CNGA1: variants seen among roughly 807,000 people sequenced by gnomAD.
CNGA1 encodes cyclic nucleotide-gated channel alpha-1.
Under a neutral mutation model 69.7 loss-of-function variants are expected in CNGA1, and 53 were observed. The observed-to-expected ratio is 0.76, with a 90% confidence interval of 0.61 to 0.96. CNGA1 has a LOEUF of 0.96. Ranked by LOEUF, CNGA1 falls within the 40% of genes least tolerant of loss-of-function variation. The probability of loss-of-function intolerance (pLI) is 0.00; values close to 1 mark genes in which losing one functional copy is unlikely to be tolerated. For synonymous variants in CNGA1, 249 were observed against 283.5 expected, an observed-to-expected ratio of 0.88 and a Z score of 1.22; for missense variants, 739 against 811.2, an observed-to-expected ratio of 0.91 and a Z score of 1.08.
intron 3 of CNGA1, among the ~76,000 whole-genome samples, chr4:47,974,223 G>T (rs891330365): frequency 6.6e-6 from 1 of 152,034 alleles, no homozygotes; most frequent in African/African-American, 2.4e-5. Flanking sequence ...TTTTAAAACT[G>T]TGTGTGTGTA....
intron 2 of CNGA1, among the ~76,000 whole-genome samples, chr4:47,996,067 T>A (rs1742466735): frequency 1.3e-5 from 2 of 152,110 alleles, no homozygotes; most frequent in Admixed American, 1.3e-4. Context: ...GAAGGAGCAA[T>A]CCACTTCCTT....
chr4:47,975,077 G>A (rs1366853221), intron 3 of CNGA1, among the ~76,000 whole-genome samples: 2 of 152,158 alleles, frequency 1.3e-5, no homozygotes, highest in Non-Finnish European at 2.9e-5. Context: ...TTCAGAAAGA[G>A]AGAACCATCA....
Position 48,005,097 on chromosome 4 carries a change from G to A in CNGA1, c.-123+5697C>T, listed in dbSNP as rs537364955. ...AGACAAATCGTGGTTGGACTGATTTGCTTTTTTATTATTTATTTATTTATT... is the reference window on the plus strand; with the variant it reads ...AGACAAATCGTGGTTGGACTGATTTACTTTTTTATTATTTATTTATTTATT... On this transcript the variant is annotated intron_variant, in intron 2 of 10. Transcript: ENST00000514170. Among the ~76,000 whole-genome samples the A allele has an allele frequency of 1.1e-4, 15 of 132,296 alleles. No individual in the cohort carries two copies. The East Asian group carries it at 3.3e-3, about 29-fold the overall frequency. 86.8% of individuals were successfully genotyped at this position (132,296 alleles called of 152,430 possible). A position where few individuals can be genotyped will look rare whatever the true frequency, so the allele number is the denominator to read the frequency against.
At chr4:47,987,899 T>C (rs575427045) in intron 2 of CNGA1, among the ~76,000 whole-genome samples, 47 of 152,222 alleles carry the variant, frequency 3.1e-4, no homozygotes, top group Non-Finnish European at 1.8e-4. Flanking sequence ...ACTGTGTTGG[T>C]GTGTTTAATG....
intron 3 of CNGA1, among the ~76,000 whole-genome samples, chr4:47,962,793 A>G (rs1740525277): frequency 6.6e-6 from 1 of 152,212 alleles, no homozygotes; most frequent in African/African-American, 2.4e-5. Flanking sequence ...TAAAGTTGTC[A>G]TAATTCTAGT....
intron 2 of CNGA1, among the ~76,000 whole-genome samples, chr4:48,010,339 A>G (rs1464520061): frequency 6.6e-6 from 1 of 152,240 alleles, no homozygotes; most frequent in Non-Finnish European, 1.5e-5. Context: ...GTCTTCAAAA[A>G]GAGAATTATT....
chr4:47,984,645 A>AT (rs1275387462), intron 2 of CNGA1, among the ~76,000 whole-genome samples: 1 of 57,512 alleles, frequency 1.7e-5, no homozygotes, highest in African/African-American at 4.2e-5. Flanking sequence ...ACAAATAAAA[A>AT]AAATATATAT....
intron 3 of CNGA1, among the ~76,000 whole-genome samples, chr4:47,956,940 T>A (rs577456345): frequency 6.6e-6 from 1 of 152,268 alleles, no homozygotes; most frequent in East Asian, 1.9e-4. Context: ...TTTTTATTTT[T>A]TTATTTATTT....
chr4:47,974,544 T>C (rs1741244447), intron 3 of CNGA1, among the ~76,000 whole-genome samples: 1 of 152,214 alleles, frequency 6.6e-6, no homozygotes, highest in Admixed American at 6.5e-5. Context: ...TTTTCCATTA[T>C]TGGGCAGGGT....
At chr4:47,984,640 T>TTA (rs1741896690) in intron 2 of CNGA1, among the ~76,000 whole-genome samples, 3 of 103,646 alleles carry the variant, frequency 2.9e-5, no homozygotes, top group Non-Finnish European at 4.3e-5. Flanking sequence ...AACAAACAAA[T>TTA]AAAAAAAATA....
At chr4:47,981,367 A>C (rs1000354809) in intron 3 of CNGA1, 26 bp downstream of exon 3, 5 of 152,188 alleles carry the variant, frequency 3.3e-5, no homozygotes, top group African/African-American at 9.6e-5. Context: ...ATATAACTCT[A>C]ATTATCGTTA....
chr4:48,010,858 G>T lies in CNGA1; in HGVS notation c.-187C>A. On this transcript the variant is annotated 5_prime_UTR_variant, in exon 2 of 11. Transcript: ENST00000514170. ...GCGATGGCAGCAAACGACAGTGGTG[G>T]GCAGTGGTGGACGGCAAGCGAAAGC... is the stretch of plus-strand genomic sequence containing the variant. The T allele has an allele frequency of 6.5e-6, 1 of 153,778 alleles. No homozygotes were observed. The highest frequency in any genetic ancestry group is 1.8e-4 in the South Asian group (1 of 5,430). The allele number at this position is 153,778 out of a possible 1,614,324, so 9.5% of individuals were successfully genotyped here. A position where few individuals can be genotyped will look rare whatever the true frequency, so the allele number is the denominator to read the frequency against.
intron 3 of CNGA1, among the ~76,000 whole-genome samples, chr4:47,953,267 A>C (rs985888397): frequency 6.6e-6 from 1 of 152,222 alleles, no homozygotes; most frequent in Admixed American, 6.5e-5. Flanking sequence ...TTTTGTAAAA[A>C]AATTTTTAAT....
rs768363051 is a variant in CNGA1 at position 47,936,795 on chromosome 4, T to C, written c.1687A>G (p.Ser563Gly). 1 of 1,614,074 alleles carries C rather than the reference T, an allele frequency of 6.2e-7. No homozygotes were observed. The highest frequency in any genetic ancestry group is 8.5e-7 in the Non-Finnish European group (1 of 1,180,040). ...AGNRRTANIK[S>G]IGYSDLFCLS... ...CAGAACAGGTCTGAGTAGCCAATACTTTTAATATTGGCCGTTCTTCGATTG... is the reference window on the plus strand; with the variant it reads ...CAGAACAGGTCTGAGTAGCCAATACCTTTAATATTGGCCGTTCTTCGATTG... The change falls in exon 11 of 11, where the codon AGT becomes GGT. Residue 563 changes from serine to glycine, a missense_variant. Physicochemically the swap from Ser to Gly is moderately conservative, Grantham distance 56. Coordinates refer to ENST00000514170, the MANE Select transcript of CNGA1 (RefSeq NM_001379270.1).
rs940615333 is a variant in CNGA1, at chr4:48,001,452, G to C, written c.-123+9342C>G. 6.6e-5 allele frequency among the ~76,000 whole-genome samples: 10 copies of C among 152,284 alleles called. No individual in the cohort carries two copies. In the South Asian group the frequency reaches 1.0e-3, roughly 16 times the overall value. On this transcript the variant is annotated intron_variant, in intron 2 of 10. Transcript: ENST00000514170. ...CCACTGCACTCCAGCCTGGGTGACAGAGCAAGACTCTGTTTAAAAAAATGC... is the reference window on the plus strand; with the variant it reads ...CCACTGCACTCCAGCCTGGGTGACACAGCAAGACTCTGTTTAAAAAAATGC...
chr4:48,011,520 G>A (rs1326041820), intron 1 of CNGA1, among the ~76,000 whole-genome samples: 1 of 152,066 alleles, frequency 6.6e-6, no homozygotes, highest in Non-Finnish European at 1.5e-5. Flanking sequence ...ACTATTGTCA[G>A]TGAAAAGAGT....
Position 47,951,465 on chromosome 4 carries a change from A to G in CNGA1, c.112T>C (p.Phe38Leu). The G allele has an allele frequency of 6.2e-7, 1 of 1,601,600 alleles. No individual in the cohort carries two copies. Among genetic ancestry groups the G allele is most frequent in the Non-Finnish European group, 8.6e-7 (1 of 1,168,788 alleles). ...GAGGCACTGTCATCATCCTCAGAAA[A>G]GGAGCTACAGTCCAATAGGAGGCAG... Reference protein sequence around the residue: ...RRMENGACSSFSEDDDSASTS... With the variant: ...RRMENGACSSLSEDDDSASTS... Residue 38 changes from phenylalanine (F) to leucine (L), a missense_variant, in exon 5 of 11, where the codon TTT becomes CTT. Transcript: ENST00000514170.
At chr4:47,971,822 A>C (rs1741059308) in intron 3 of CNGA1, among the ~76,000 whole-genome samples, 1 of 151,986 alleles carries the variant, frequency 6.6e-6, no homozygotes, top group Non-Finnish European at 1.5e-5. Flanking sequence ...TGAACCTGGG[A>C]GGTGGAGGTT....
chr4:48,000,211 A>C (rs765637292), intron 2 of CNGA1, among the ~76,000 whole-genome samples: 1 of 152,120 alleles, frequency 6.6e-6, no homozygotes, highest in Non-Finnish European at 1.5e-5. Flanking sequence ...CCCTAGAAGC[A>C]AGGAGGTAAA....
Sources: allele counts gnomAD v4.1 joint callset (sites outside exome capture counted in the v4.1 genomes callset), GRCh38; gene constraint gnomAD v4.1.1; transcripts MANE v1.5; gene names NCBI Gene and HGNC (gene_info 2026-07-23, HGNC 2026-07-21).